USP45: variants seen among roughly 807,000 people sequenced by gnomAD.
USP45 encodes the protein ubiquitin specific peptidase 45.
Under a neutral mutation model 95.8 loss-of-function variants are expected in USP45, and 89 were observed. The ratio of observed to expected loss-of-function variants is 0.93; its 90% CI spans 0.78 to 1.11. The LOEUF (loss-of-function observed/expected upper bound fraction) is 1.11. USP45 is among the 50% of genes least tolerant of loss of function. USP45 has a pLI of 0.00. For missense variants in USP45, 898 were observed against 942.5 expected (o/e 0.95, Z 0.62); for synonymous variants, 281 against 316.2 (o/e 0.89, Z 1.18).
intron 17 of USP45, among the ~76,000 whole-genome samples, chr6:99,436,962 G>A (rs1292869302): frequency 2.0e-5 from 3 of 152,174 alleles, no homozygotes; most frequent in Non-Finnish European, 2.9e-5. Context: ...TTAGTCACGT[G>A]TGGTAGCACG....
chr6:99,446,207 G>A lies in USP45; in HGVS notation c.1565C>T (p.Ser522Phe). Residue 522 changes from serine to phenylalanine, a missense_variant, in exon 14 of 18, where the codon TCC (serine) becomes TTC (phenylalanine). By Grantham distance (155) the Ser-to-Phe change is radical (BLOSUM62 -2). Transcript: ENST00000500704. ...TGGCTGCACACCGGATCCACTACTG[G>A]ATCTGAACAGCCCAGTCTGCTTTGA... ...SASKQTGLFR[S>F]SSGSGVQPDG... 6.2e-7 allele frequency: 1 copy of A among 1,614,132 alleles called. No individual in the cohort carries two copies. Among genetic ancestry groups the A allele is most frequent in the Non-Finnish European group, 8.5e-7 (1 of 1,180,032 alleles).
intron 15 of USP45, among the ~76,000 whole-genome samples, chr6:99,440,675 C>G (rs1463862966): frequency 6.6e-6 from 1 of 152,026 alleles, no homozygotes; most frequent in African/African-American, 2.4e-5. Context: ...GCTTATCTTT[C>G]TTTAAAAACA....
intron 13 of USP45, among the ~76,000 whole-genome samples, chr6:99,449,731 T>G (rs1006877589): frequency 6.6e-6 from 1 of 152,176 alleles, no homozygotes; most frequent in African/African-American, 2.4e-5. Context: ...AGAATATACA[T>G]TCTTCTCAGC....
At chr6:99,504,002 A>G (rs1430586545) in intron 4 of USP45, 137 bp from the exon 5 acceptor site, 2 of 571,360 alleles carry the variant, frequency 3.5e-6, no homozygotes, top group Admixed American at 6.5e-5. Flanking sequence ...GCCACCAGGT[A>G]AGTCTAGAGA....
intron 5 of USP45, among the ~76,000 whole-genome samples, chr6:99,502,861 C>T (rs955587954): frequency 2.0e-5 from 3 of 152,184 alleles, no homozygotes; most frequent in Admixed American, 1.3e-4. Flanking sequence ...CCATGTAAGA[C>T]GTGCCTGCTT....
intron 8 of USP45, among the ~76,000 whole-genome samples, chr6:99,480,007 C>A (rs985975143): frequency 6.6e-6 from 1 of 152,108 alleles, no homozygotes; most frequent in Non-Finnish European, 1.5e-5. Flanking sequence ...GAAATACCAA[C>A]GAATCAACAT....
Position 99,443,620 on chromosome 6 carries a change from A to G in USP45, c.2018T>C (p.Leu673Ser), listed in dbSNP as rs1267193280. ...GACAGCTGGAACAGCAGAAATGAGC[A>G]ATTGCTTCCTGGCATTAGTATAAAC... ...EGVYTNARKQ[L>S]LISAVPAVLI... The change falls in exon 15 of 18, where the codon TTG (leucine) becomes TCG (serine). Residue 673 changes from leucine (L) to serine (S), a missense_variant. By Grantham distance (145) the Leu-to-Ser change is moderately radical. Coordinates refer to ENST00000500704, the MANE Select transcript of USP45 (RefSeq NM_001346022.3). The G allele has an allele frequency of 2.5e-6, 4 of 1,608,966 alleles. No individual in the cohort carries two copies. The highest frequency in any genetic ancestry group is 3.3e-5 in the Admixed American group (2 of 59,880).
At position 99,460,780 on chromosome 6, in the gene USP45, G is replaced by C. The variant is rs150963239; in HGVS notation, c.1308+3824C>G. On this transcript the variant is annotated intron_variant, in intron 13 of 17. Transcript: ENST00000500704. ...TTTCTGAATATAACCCCAATGATGA[G>C]AGGCACAACACAGGTTTCAGCAATT... 176 of 984,732 alleles carry C rather than the reference G, an allele frequency of 1.8e-4. 2 individuals carry two copies. In the East Asian group the frequency reaches 0.018, roughly 101 times the overall value. 61.0% of individuals were successfully genotyped at this position (984,732 alleles called of 1,614,324 possible).
intron 13 of USP45, among the ~76,000 whole-genome samples, chr6:99,451,439 AAG>A (rs965568053): frequency 3.9e-4 from 60 of 152,310 alleles, no homozygotes; most frequent in African/African-American, 1.4e-3. Flanking sequence ...AATTGCTTCA[AAG>A]AGAATAAAAT....
intron 5 of USP45, among the ~76,000 whole-genome samples, chr6:99,490,317 C>T (rs767872743): frequency 1.3e-5 from 2 of 151,936 alleles, no homozygotes; most frequent in African/African-American, 4.8e-5. Flanking sequence ...GCACCTACTA[C>T]CACACCCAGC....
At chr6:99,468,788 C>G (rs1325594394) in intron 9 of USP45, among the ~76,000 whole-genome samples, 170 bp from the exon 10 acceptor site, 1 of 152,092 alleles carries the variant, frequency 6.6e-6, no homozygotes, top group East Asian at 1.9e-4. Context: ...GTCTCAAATT[C>G]CATGAATAGA....
intron 16 of USP45, among the ~76,000 whole-genome samples, chr6:99,439,278 T>A (rs1781072820): frequency 6.6e-6 from 1 of 152,238 alleles, no homozygotes; most frequent in South Asian, 2.1e-4. Context: ...TAAGCCAGTC[T>A]GCTTTCTGTA....
Position 99,433,855 on chromosome 6 carries a change from G to A in USP45, c.*1861C>T, listed in dbSNP as rs1780065742. 2.0e-5 allele frequency: 3 copies of A among 152,168 alleles called. No homozygotes were observed. Among genetic ancestry groups the A allele is most frequent in the Non-Finnish European group, 4.4e-5 (3 of 68,014 alleles). 9.4% of individuals were successfully genotyped at this position (152,168 alleles called of 1,614,324 possible). A position where few individuals can be genotyped will look rare whatever the true frequency, so the allele number is the denominator to read the frequency against. The stretch of plus-strand genomic sequence containing the variant: ...GATGAAAAGTGCATGCCTCTTAACA[G>A]TATCTTTCTGTAAGAAAAATTAGGT... On this transcript the variant is annotated 3_prime_UTR_variant, in exon 18 of 18. Transcript: ENST00000500704.
Position 99,465,079 on chromosome 6 carries a change from C to T in USP45, c.1164+1G>A, listed in dbSNP as rs1787584746. ...TTCATCATTAGTTTTCTTCTCCTTA[C>T]CCTTTCTTCTATTATAGGAAGTGAA... On this transcript the variant is annotated splice_donor_variant, in intron 12 of 17. Coordinates refer to ENST00000500704, the MANE Select transcript of USP45 (RefSeq NM_001346022.3). LOFTEE classifies it high-confidence loss of function. 6.3e-7 allele frequency: 1 copy of T among 1,592,588 alleles called. No individual in the cohort carries two copies.
Position 99,503,824 on chromosome 6 carries a change from T to C in USP45, c.419A>G (p.Lys140Arg), listed in dbSNP as rs1264734284. ...CDEKLSTHCN[K>R]KVLAQIVDFL... ...ATCAACTATCTGAGCCAAAACCTTC[T>C]TATTACAATGCGTTGATAATTTTTC... is the stretch of plus-strand genomic sequence containing the variant. Residue 140 changes from lysine to arginine, a missense_variant, in exon 5 of 18, where the codon AAG becomes AGG. Transcript: ENST00000500704. The C allele has an allele frequency of 2.5e-6, 4 of 1,601,188 alleles. No homozygotes were observed. The highest frequency in any genetic ancestry group is 3.4e-6 in the Non-Finnish European group (4 of 1,174,210).
chr6:99,507,019 C>T (rs1260165822), intron 4 of USP45, among the ~76,000 whole-genome samples: 1 of 152,168 alleles, frequency 6.6e-6, no homozygotes, highest in Non-Finnish European at 1.5e-5. Flanking sequence ...CCAGCCTGGG[C>T]AACATGGTGA....
intron 16 of USP45, among the ~76,000 whole-genome samples, chr6:99,438,334 T>C (rs1461214479): frequency 1.3e-5 from 2 of 152,156 alleles, no homozygotes; most frequent in African/African-American, 4.8e-5. Flanking sequence ...CATGCCTGTC[T>C]GCTTATATTT....
At chr6:99,489,613 T>C (rs1253716512) in intron 5 of USP45, among the ~76,000 whole-genome samples, 4 of 152,144 alleles carry the variant, frequency 2.6e-5, no homozygotes, top group Non-Finnish European at 5.9e-5. Flanking sequence ...CATAAGTGCA[T>C]GTTTTGTGCT....
chr6:99,496,737 TC>T (rs1247742998), intron 5 of USP45, among the ~76,000 whole-genome samples: 1 of 152,110 alleles, frequency 6.6e-6, no homozygotes, highest in Non-Finnish European at 1.5e-5. Context: ...TCTGAGACTT[TC>T]AGAGGACAAT....
Sources: gnomAD v4.1 joint callset for allele counts (sites outside exome capture counted in the v4.1 genomes callset) on GRCh38, gnomAD v4.1.1 for gene constraint, MANE v1.5 for transcripts, NCBI Gene and HGNC (gene_info 2026-07-23, HGNC 2026-07-21) for gene names.